Variants in ARAP2 observed in about 807,000 individuals in gnomAD.
ARAP2 encodes the protein arf-GAP with Rho-GAP domain, ANK repeat and PH domain-containing protein 2.
ARAP2 carries 148 observed loss-of-function variants against 194.5 expected under a neutral mutation model. The ratio of observed to expected loss-of-function variants is 0.76; its 90% CI spans 0.67 to 0.87. ARAP2 has a LOEUF of 0.87. ARAP2 is among the 40% of genes least tolerant of loss of function. ARAP2 has a pLI of 0.00. For missense variants in ARAP2, 2,128 were observed against 1,989.7 expected (o/e 1.07, Z -1.32); for synonymous variants, 695 against 683.5 (o/e 1.02, Z -0.26).
intron 9 of ARAP2, among the ~76,000 whole-genome samples, chr4:36,008,767 G>A (rs1713829571): frequency 6.6e-6 from 1 of 151,982 alleles, no homozygotes; most frequent in Non-Finnish European, 1.5e-5. Flanking sequence ...ATAACCTAAA[G>A]AATGAGAGAA....
intron 20 of ARAP2, among the ~76,000 whole-genome samples, chr4:36,131,227 T>C (rs1364311513): frequency 1.3e-5 from 2 of 151,556 alleles, no homozygotes; most frequent in Admixed American, 1.3e-4. Flanking sequence ...TGAATATAAA[T>C]ATATATATGA....
chr4:36,148,858 A>T (rs1355545299), intron 16 of ARAP2, among the ~76,000 whole-genome samples: 1 of 152,116 alleles, frequency 6.6e-6, no homozygotes, highest in African/African-American at 2.4e-5. Context: ...TTCAAAGCAA[A>T]CACTGCCCAA....
intron 32 of ARAP2, among the ~76,000 whole-genome samples, chr4:36,070,991 T>G (rs1396199374): frequency 6.6e-6 from 1 of 152,166 alleles, no homozygotes; most frequent in Non-Finnish European, 1.5e-5. Flanking sequence ...CACATCAAAC[T>G]GTGCTCAGGA....
chr4:36,120,259 G>T (rs1553909477), intron 23 of ARAP2, among the ~76,000 whole-genome samples: 1 of 151,524 alleles, frequency 6.6e-6, no homozygotes, highest in Non-Finnish European at 1.5e-5. Context: ...CATATAGAAA[G>T]AAGTAAAGAG....
chr4:36,033,360 G>T (rs1408253028), intron 5 of ARAP2, among the ~76,000 whole-genome samples: 2 of 152,070 alleles, frequency 1.3e-5, no homozygotes, highest in African/African-American at 4.8e-5. Flanking sequence ...GTGTGAGATG[G>T]TATCTCATGT....
chr4:36,155,693 G>A (rs141502822), intron 15 of ARAP2, among the ~76,000 whole-genome samples: 1,568 of 149,094 alleles, frequency 0.011, 33 homozygotes, highest in African/African-American at 0.037. Flanking sequence ...ACCGAGTCTC[G>A]CTGTGTCTCC....
At chr4:36,210,931 C>T (rs774625701) in intron 5 of ARAP2, among the ~76,000 whole-genome samples, 188 bp from the exon 6 acceptor site, 22 of 152,058 alleles carry the variant, frequency 1.4e-4, no homozygotes, top group Admixed American at 5.9e-4. Context: ...TTTCATTAAC[C>T]TATGACATCT....
chr4:36,073,717 T>C lies in ARAP2; in HGVS notation c.4715A>G (p.Asn1572Ser), dbSNP rs769216065. The C allele has an allele frequency of 5.0e-6, 8 of 1,612,356 alleles. No individual in the cohort carries two copies. In the East Asian group the frequency reaches 1.6e-4, roughly 31 times the overall value. ...LPLIPIQHEG[N>S]ATLARKNIES... The stretch of plus-strand genomic sequence containing the variant: ...AATATTTTTCCGGGCCAAGGTTGCA[T>C]TCCCCTCATGCTGTATAGGAATCAG... Residue 1572 changes from asparagine (N) to serine (S), a missense_variant, in exon 32 of 33, where the codon AAT (asparagine) becomes AGT (serine). By Grantham distance (46) the Asn-to-Ser change is conservative. Coordinates refer to ENST00000303965, the MANE Select transcript of ARAP2 (RefSeq NM_015230.4).
Position 36,143,811 on chromosome 4 carries a change from G to C in ARAP2, c.3263+3485C>G, listed in dbSNP as rs61297809. Reference sequence around the variant, plus strand: ...CTCTTCACTTTCATAAAAATACTTTGAACATAACTTGTTAGTAACACATGT... The same window carrying C: ...CTCTTCACTTTCATAAAAATACTTTCAACATAACTTGTTAGTAACACATGT... On this transcript the variant is annotated intron_variant, in intron 19 of 32. Coordinates refer to ENST00000303965, the MANE Select transcript of ARAP2 (RefSeq NM_015230.4). Among the ~76,000 whole-genome samples, 964 of 151,760 alleles carry C rather than the reference G, an allele frequency of 6.4e-3. 12 individuals are homozygous for C. Among genetic ancestry groups the C allele is most frequent in the African/African-American group, 0.022 (913 of 41,460 alleles).
chr4:36,197,437 T>G (rs1560643630), intron 6 of ARAP2, among the ~76,000 whole-genome samples: 1 of 152,260 alleles, frequency 6.6e-6, no homozygotes, highest in Non-Finnish European at 1.5e-5. Context: ...TTGCAAATAT[T>G]AAAAACCAGA....
intron 8 of ARAP2, among the ~76,000 whole-genome samples, chr4:36,186,831 C>T (rs1257002156): frequency 6.6e-6 from 1 of 152,184 alleles, no homozygotes; most frequent in East Asian, 1.9e-4. Context: ...CCAGATGGGG[C>T]CATTTAGTTG....
In ARAP2 at chr4:36,066,877, T is replaced by C. The variant is rs1203689077; in HGVS notation, c.*1030A>G. The C allele has an allele frequency of 6.6e-6, 1 of 152,210 alleles. No homozygotes were observed. Among genetic ancestry groups the C allele is most frequent in the Non-Finnish European group, 1.5e-5 (1 of 68,034 alleles). 9.4% of individuals were successfully genotyped at this position (152,210 alleles called of 1,614,324 possible). A position where few individuals can be genotyped will look rare whatever the true frequency, so the allele number is the denominator to read the frequency against. Reference sequence around the variant, plus strand: ...CACCAACTAGCCCCTGGCTCCATAATGGCCATATATTGTATTCTTCCAGTT... The same window carrying C: ...CACCAACTAGCCCCTGGCTCCATAACGGCCATATATTGTATTCTTCCAGTT... On this transcript the variant is annotated 3_prime_UTR_variant, in exon 33 of 33. Coordinates refer to ENST00000303965, the MANE Select transcript of ARAP2 (RefSeq NM_015230.4).
At chr4:36,096,225 C>T (rs904402060) in intron 27 of ARAP2, among the ~76,000 whole-genome samples, 2 of 151,476 alleles carry the variant, frequency 1.3e-5, no homozygotes, top group African/African-American at 4.8e-5. Context: ...ATTAGCCAGG[C>T]GTGGTGGTGT....
chr4:36,164,971 G>A lies in ARAP2; in HGVS notation c.2116C>T (p.Pro706Ser). The A allele has an allele frequency of 6.2e-7, 1 of 1,614,056 alleles. No individual in the cohort carries two copies. The highest frequency in any genetic ancestry group is 8.5e-7 in the Non-Finnish European group (1 of 1,179,930). Residue 706 changes from proline to serine, a missense_variant, in exon 11 of 33, where the codon CCA becomes TCA. Physicochemically the swap from Pro to Ser is moderately conservative, Grantham distance 74. Transcript: ENST00000303965. ...SNRSCADCKA[P>S]DPDWASINLC... is the part of the protein sequence containing the mutation. ...TTGATGGATGCCCAGTCAGGATCTG[G>A]GGCTTTACAATCTGCACAGCTCCTG...
intron 21 of ARAP2, among the ~76,000 whole-genome samples, chr4:36,126,272 T>C (rs1473313632): frequency 2.6e-5 from 4 of 152,172 alleles, no homozygotes; most frequent in Non-Finnish European, 4.4e-5. Flanking sequence ...AAATTGCATT[T>C]ATTCCTTAAA....
chr4:36,057,054 T>C lies in ARAP2; in HGVS notation n.321+916A>G, dbSNP rs556161883. On this transcript the variant is annotated intron_variant and non_coding_transcript_variant, in intron 2 of 12. Transcript: ENST00000503225. Reference sequence around the variant, plus strand: ...AAACATTATCTGTAGTTTTTTGTTGTTTTTTTTTTTCAGTGCAGCTTGACT... The same window carrying C: ...AAACATTATCTGTAGTTTTTTGTTGCTTTTTTTTTTCAGTGCAGCTTGACT... 3.4e-3 allele frequency among the ~76,000 whole-genome samples: 47 copies of C among 13,730 alleles called. No individual in the cohort carries two copies. In the South Asian group the frequency reaches 0.14, roughly 41 times the overall value. The allele number at this position is 13,730 out of a possible 152,430, so 9.0% of individuals were successfully genotyped here.
chr4:36,217,182 A>C (rs1041771058), intron 2 of ARAP2, among the ~76,000 whole-genome samples: 4 of 152,202 alleles, frequency 2.6e-5, no homozygotes, highest in Non-Finnish European at 4.4e-5. Context: ...ATAACTTTAT[A>C]TATATATTTT....
Position 36,006,660 on chromosome 4 carries a change from T to C in ARAP2, n.1469+243A>G, listed in dbSNP as rs80171276. On this transcript the variant is annotated intron_variant and non_coding_transcript_variant, in intron 10 of 12. Transcript: ENST00000503225. ...TTGCAACAGAAAATAAAATAAAATT[T>C]GGAATTATTTTTATATATTAAAAAA... is the stretch of plus-strand genomic sequence containing the variant. 83 of 152,236 alleles carry C rather than the reference T, an allele frequency of 5.5e-4. No homozygotes were observed. The East Asian group carries it at 0.015, about 28-fold the overall frequency. 9.4% of individuals were successfully genotyped at this position (152,236 alleles called of 1,614,324 possible).
chr4:36,162,328 A>G (rs1734287868), intron 11 of ARAP2, among the ~76,000 whole-genome samples: 1 of 152,196 alleles, frequency 6.6e-6, no homozygotes, highest in Non-Finnish European at 1.5e-5. Flanking sequence ...AACTAGTTAC[A>G]TGTCTAATAA....
Sources: gnomAD v4.1 joint callset for allele counts (sites outside exome capture counted in the v4.1 genomes callset) on GRCh38, gnomAD v4.1.1 for gene constraint, MANE v1.5 for transcripts, NCBI Gene and HGNC (gene_info 2026-07-23, HGNC 2026-07-21) for gene names.